The following CHODL variants were observed in gnomAD, a reference collection of about 807,000 sequenced individuals.
CHODL encodes chondrolectin, also known as transmembrane protein MT75.
CHODL carries 29 observed loss-of-function variants against 34.5 expected under a neutral mutation model. The observed-to-expected ratio is 0.84, with a 90% confidence interval of 0.63 to 1.15. The LOEUF (loss-of-function observed/expected upper bound fraction) is 1.15. Ranked by LOEUF, CHODL falls within the 50% of genes most tolerant of loss-of-function variation. The probability of loss-of-function intolerance (pLI) is 0.00; values close to 1 mark genes in which losing one functional copy is unlikely to be tolerated. For synonymous variants in CHODL, 125 were observed against 116.1 expected, an observed-to-expected ratio of 1.08 and a Z score of -0.49; for missense variants, 332 against 332.5, an observed-to-expected ratio of 1.00 and a Z score of 0.01.
Position 18,264,603 on chromosome 21 carries a change from A to G in CHODL, c.738-1351A>G, listed in dbSNP as rs11908856. Among the ~76,000 whole-genome samples, 7 of 77,526 alleles carry G rather than the reference A, an allele frequency of 9.0e-5. No individual in the cohort carries two copies. In the East Asian group the frequency reaches 1.4e-3, roughly 15 times the overall value. 50.9% of individuals were successfully genotyped at this position (77,526 alleles called of 152,430 possible). A position where few individuals can be genotyped will look rare whatever the true frequency, so the allele number is the denominator to read the frequency against. Reference sequence around the variant, plus strand: ...GGCGACAGAGTGAGGGTCTGTCTCAAAAAAAAAAAAAAAAAAAAAAAGAGA... The same window carrying G: ...GGCGACAGAGTGAGGGTCTGTCTCAGAAAAAAAAAAAAAAAAAAAAAGAGA... On this transcript the variant is annotated intron_variant, in intron 5 of 5. Transcript: ENST00000299295.
intron 2 of CHODL, among the ~76,000 whole-genome samples, chr21:18,119,189 A>G (rs1472540009): frequency 1.3e-5 from 2 of 151,992 alleles, no homozygotes; most frequent in East Asian, 3.9e-4. Context: ...TAAGGAACAT[A>G]CCCATCATTC....
At chr21:18,199,459 C>T (rs1298824115) in intron 2 of CHODL, among the ~76,000 whole-genome samples, 4 of 152,042 alleles carry the variant, frequency 2.6e-5, no homozygotes, top group African/African-American at 7.2e-5. Flanking sequence ...TTACAATTGA[C>T]ATATCAATAC....
At chr21:17,966,922 G>C (rs1026407663) in intron 1 of CHODL, among the ~76,000 whole-genome samples, 1 of 147,868 alleles carries the variant, frequency 6.8e-6, no homozygotes, top group African/African-American at 2.5e-5. Flanking sequence ...GTCTTGCTCT[G>C]TTGCCCAGGT....
chr21:18,120,421 T>A (rs1405954105), intron 2 of CHODL, among the ~76,000 whole-genome samples: 1 of 152,144 alleles, frequency 6.6e-6, no homozygotes, highest in Non-Finnish European at 1.5e-5. Flanking sequence ...CTATGGCTGT[T>A]TTTCTGTCCA....
At chr21:18,096,639 G>A (rs1291781686) in intron 2 of CHODL, among the ~76,000 whole-genome samples, 1 of 152,172 alleles carries the variant, frequency 6.6e-6, no homozygotes, top group Non-Finnish European at 1.5e-5. Context: ...CAGACCGGTT[G>A]TCTGCTCTCA....
intron 1 of CHODL, among the ~76,000 whole-genome samples, chr21:18,248,728 A>G (rs150857452): frequency 0.038 from 4,556 of 119,714 alleles, 98 homozygotes; most frequent in Non-Finnish European, 0.055. Flanking sequence ...ATATATATGT[A>G]TATAATATAT....
intron 1 of CHODL, among the ~76,000 whole-genome samples, chr21:17,936,610 G>T (rs1242109815): frequency 6.6e-6 from 1 of 152,110 alleles, no homozygotes; most frequent in Non-Finnish European, 1.5e-5. Flanking sequence ...CTATACATTT[G>T]CATACTTAAA....
In CHODL at chr21:18,267,340, A is replaced by T. The variant is rs1761770177; in HGVS notation, c.*1302A>T. On this transcript the variant is annotated 3_prime_UTR_variant, in exon 6 of 6. Coordinates refer to ENST00000299295, the MANE Select transcript of CHODL (RefSeq NM_024944.3). ...CTTCATATGTCCCTGTGCTCCTTTT[A>T]ACCAAATAAAGAGTTCTTGTTTCTG... 1 of 152,168 alleles carries T rather than the reference A, an allele frequency of 6.6e-6. No homozygotes were observed. The highest frequency in any genetic ancestry group is 1.5e-5 in the Non-Finnish European group (1 of 68,028). 9.4% of individuals were successfully genotyped at this position (152,168 alleles called of 1,614,324 possible).
chr21:17,967,352 A>G (rs2063580444), intron 1 of CHODL, among the ~76,000 whole-genome samples: 1 of 152,208 alleles, frequency 6.6e-6, no homozygotes, highest in African/African-American at 2.4e-5. Context: ...CAAATGTATC[A>G]TCTAAAGGAG....
chr21:18,075,965 C>T (rs1339089258), intron 2 of CHODL, among the ~76,000 whole-genome samples: 7 of 152,276 alleles, frequency 4.6e-5, no homozygotes, highest in South Asian at 2.1e-4. Flanking sequence ...CAAGTCAGGA[C>T]GTGAGCCCTT....
At chr21:18,152,162 T>C (rs2072978234) in intron 2 of CHODL, among the ~76,000 whole-genome samples, 1 of 152,206 alleles carries the variant, frequency 6.6e-6, no homozygotes, top group Non-Finnish European at 1.5e-5. Flanking sequence ...TTATATAATA[T>C]GCAGAAGCAC....
At chr21:17,934,525 C>T (rs2063304158) in intron 1 of CHODL, among the ~76,000 whole-genome samples, 1 of 151,820 alleles carries the variant, frequency 6.6e-6, no homozygotes, top group African/African-American at 2.4e-5. Context: ...TCCTTCTTTC[C>T]TCCATTGTTA....
At chr21:18,035,558 TCTC>T (rs1319335657) in intron 2 of CHODL, among the ~76,000 whole-genome samples, 19 of 152,088 alleles carry the variant, frequency 1.2e-4, no homozygotes, top group African/African-American at 4.3e-4. Context: ...TTCCCTCACT[TCTC>T]CTTTGGATAC....
chr21:18,183,381 G>A (rs548970587), intron 2 of CHODL, among the ~76,000 whole-genome samples: 8 of 152,156 alleles, frequency 5.3e-5, no homozygotes, highest in Non-Finnish European at 8.8e-5. Context: ...TAAGAATTGT[G>A]GCAAACTGTC....
intron 2 of CHODL, among the ~76,000 whole-genome samples, chr21:18,159,737 A>G (rs1273156336): frequency 6.6e-6 from 1 of 152,174 alleles, no homozygotes; most frequent in African/African-American, 2.4e-5. Flanking sequence ...AGTGGGCCAA[A>G]TCTAACCATG....
intron 1 of CHODL, among the ~76,000 whole-genome samples, chr21:17,921,438 A>AG (rs2063182635): frequency 6.6e-6 from 1 of 152,234 alleles, no homozygotes; most frequent in Non-Finnish European, 1.5e-5. Flanking sequence ...CCTTATAGGC[A>AG]GGGGGTCTAA....
At chr21:18,009,024 T>C (rs1166395386) in intron 1 of CHODL, among the ~76,000 whole-genome samples, 1 of 152,210 alleles carries the variant, frequency 6.6e-6, no homozygotes, top group African/African-American at 2.4e-5. Context: ...AAGAATTCTG[T>C]GACAAGTAAA....
At chr21:18,215,523 T>C (rs888403266) in intron 2 of CHODL, among the ~76,000 whole-genome samples, 2 of 151,998 alleles carry the variant, frequency 1.3e-5, no homozygotes, top group African/African-American at 4.8e-5. Context: ...CCCAGGTATG[T>C]TGGGCTACTG....
intron 1 of CHODL, among the ~76,000 whole-genome samples, chr21:18,016,509 G>A (rs158060): frequency 7.2e-5 from 11 of 152,200 alleles, no homozygotes; most frequent in South Asian, 4.1e-4. Flanking sequence ...AAGCCCAGGC[G>A]CATGACCTTG....
Sources: allele counts gnomAD v4.1 joint callset (sites outside exome capture counted in the v4.1 genomes callset), GRCh38; gene constraint gnomAD v4.1.1; transcripts MANE v1.5; gene names NCBI Gene and HGNC (gene_info 2026-07-23, HGNC 2026-07-21).